HERC2: variants seen among roughly 807,000 people sequenced by gnomAD.
HERC2 encodes the protein E3 ubiquitin-protein ligase HERC2.
A neutral mutation model predicts 537.7 loss-of-function variants in HERC2; 102 were observed. The observed-to-expected ratio is 0.19, with a 90% confidence interval of 0.16 to 0.22. The LOEUF (loss-of-function observed/expected upper bound fraction) is 0.22. HERC2 is among the 10% of genes least tolerant of loss of function. The pLI, the probability that HERC2 is intolerant of heterozygous loss-of-function variation, is 1.00. For missense variants in HERC2, 4,236 were observed against 6,198.2 expected, an observed-to-expected ratio of 0.68 and a Z score of 10.63; for synonymous variants, 2,224 against 2,466.2, an observed-to-expected ratio of 0.90 and a Z score of 2.91.
At chr15:28,266,240 G>T (rs1370372751) in intron 12 of HERC2, among the ~76,000 whole-genome samples, 1 of 152,112 alleles carries the variant, frequency 6.6e-6, no homozygotes, top group African/African-American at 2.4e-5. Context: ...AATAGGCTAG[G>T]CGCGGTGGCT....
At position 28,176,638 on chromosome 15, in the gene HERC2, C is replaced by T; in HGVS notation, c.9515-39G>A. 1 of 1,613,994 alleles carries T rather than the reference C, an allele frequency of 6.2e-7. No homozygotes were observed. The highest frequency in any genetic ancestry group is 1.3e-5 in the African/African-American group (1 of 75,046). ...ACACATATACTTCAGGCCAGCGTTT[C>T]ATATCATTCCTACCCACCCAGAAGC... is the stretch of plus-strand genomic sequence containing the variant. On this transcript the variant is annotated intron_variant, in intron 62 of 92. Transcript: ENST00000261609. This position sits in a 1 kb window ranked among gnomAD's most constrained non-coding sequence, Gnocchi z 5.0.
At chr15:28,197,670 T>A (rs942036520) in intron 50 of HERC2, among the ~76,000 whole-genome samples, 11 of 152,256 alleles carry the variant, frequency 7.2e-5, no homozygotes, top group Middle Eastern at 3.4e-3. Context: ...GAGAATTCCT[T>A]AAACCTGGGG....
chr15:28,122,367 G>C lies in HERC2; in HGVS notation c.13189-938C>G, dbSNP rs934551893. Among the ~76,000 whole-genome samples, 2 of 152,238 alleles carry C rather than the reference G, an allele frequency of 1.3e-5. No homozygotes were observed. Among genetic ancestry groups the C allele is most frequent in the East Asian group, 3.9e-4 (2 of 5,194 alleles). The stretch of plus-strand genomic sequence containing the variant: ...AGGCAATCGTGCCTTCTTTCGGTTA[G>C]GGGTGGGCTGTGGGAGCACAAGGGT... On this transcript the variant is annotated intron_variant, in intron 85 of 92. Coordinates refer to ENST00000261609, the MANE Select transcript of HERC2 (RefSeq NM_004667.6). This position sits in a 1 kb window ranked among gnomAD's most constrained non-coding sequence, Gnocchi z 4.1.
chr15:28,293,862 T>A (rs149777328), intron 3 of HERC2, among the ~76,000 whole-genome samples: 3,098 of 152,298 alleles, frequency 0.02, 108 homozygotes, highest in African/African-American at 0.071. Context: ...AATGTCAAGT[T>A]TCAGTCAAAA....
chr15:28,282,416 C>T (rs1245635918), intron 4 of HERC2, among the ~76,000 whole-genome samples: 1 of 151,956 alleles, frequency 6.6e-6, no homozygotes, highest in Admixed American at 6.6e-5. Context: ...AAGGCTTCAA[C>T]AAGCAATTAC....
rs145160340 is a variant in HERC2, at chr15:28,216,964, C to T, written c.6029-1162G>A. 4.3e-3 allele frequency among the ~76,000 whole-genome samples: 656 copies of T among 152,266 alleles called. 3 individuals carry two copies. The highest frequency in any genetic ancestry group is 0.015 in the African/African-American group (615 of 41,550). ...TTCTCACTTTGCACTCACACCTATA[C>T]TGTTATAACCTCCCATTCACTGACA... On this transcript the variant is annotated intron_variant, in intron 38 of 92. Coordinates refer to ENST00000261609, the MANE Select transcript of HERC2 (RefSeq NM_004667.6).
intron 86 of HERC2, chr15:28,117,778 G>T (rs1447762874): frequency 5.6e-6 from 2 of 355,058 alleles, no homozygotes; most frequent in African/African-American, 4.3e-5. Context: ...CTCATCCTAA[G>T]CTACAATTGC....
intron 69 of HERC2, among the ~76,000 whole-genome samples, chr15:28,162,187 A>G (rs910802360): frequency 6.6e-6 from 1 of 152,084 alleles, no homozygotes; most frequent in Non-Finnish European, 1.5e-5. Flanking sequence ...AAAATTAGCC[A>G]GGCATCGTGG....
Position 28,246,049 on chromosome 15 carries a change from G to C in HERC2, c.3409C>G (p.Leu1137Val). Residue 1137 changes from leucine to valine, a missense_variant, in exon 23 of 93, where the codon CTA becomes GTA. Coordinates refer to ENST00000261609, the MANE Select transcript of HERC2 (RefSeq NM_004667.6). ...GDFTGVLLPE[L>V]VVSIVLLLSK... ...AGCAGAAGCACTATAGAAACTACTA[G>C]TTCTGGAAGGAGAACACCTACATTT... 5 of 1,602,840 alleles carry C rather than the reference G, an allele frequency of 3.1e-6. No individual in the cohort carries two copies. Among genetic ancestry groups the C allele is most frequent in the Non-Finnish European group, 4.3e-6 (5 of 1,173,312 alleles).
At chr15:28,236,920 A>G (rs1422645685) in intron 26 of HERC2, 43 bp downstream of exon 26, 12 of 1,601,636 alleles carry the variant, frequency 7.5e-6, no homozygotes, top group Admixed American at 3.3e-5. Context: ...TACAGTTCAA[A>G]AAAAATAATC....
At chr15:28,317,531 T>C (rs1269450084) in intron 2 of HERC2, among the ~76,000 whole-genome samples, 2 of 152,206 alleles carry the variant, frequency 1.3e-5, no homozygotes, top group African/African-American at 4.8e-5. Context: ...TTGACGGACC[T>C]GAGGGCATTA....
At chr15:28,195,726 A>C (rs565756743) in intron 52 of HERC2, among the ~76,000 whole-genome samples, 8 of 152,058 alleles carry the variant, frequency 5.3e-5, no homozygotes, top group Admixed American at 1.3e-4. Context: ...TTCTGATCGG[A>C]GTGGTGAAAA....
intron 26 of HERC2, 37 bp downstream of exon 26, chr15:28,236,926 T>C (rs4035913): frequency 1.2e-6 from 2 of 1,602,870 alleles, no homozygotes; most frequent in African/African-American, 1.3e-5. Context: ...TCAAAAAAAA[T>C]AATCTGCTGA....
chr15:28,292,287 T>C (rs143228339), intron 4 of HERC2, among the ~76,000 whole-genome samples: 2 of 145,982 alleles, frequency 1.4e-5, no homozygotes, highest in African/African-American at 2.5e-5. Context: ...ATTTCTCCAG[T>C]GAATGTATAC....
intron 2 of HERC2, among the ~76,000 whole-genome samples, chr15:28,309,285 T>TTAAG (rs1287140459): frequency 1.3e-5 from 2 of 152,118 alleles, no homozygotes; most frequent in Admixed American, 6.5e-5. Context: ...TATTAATGTG[T>TTAAG]TAAGGCCTAT....
In HERC2 at chr15:28,230,115, A is replaced by G. The variant is rs181132967; in HGVS notation, c.4809+252T>C. Among the ~76,000 whole-genome samples the G allele has an allele frequency of 5.1e-4, 77 of 152,346 alleles. No homozygotes were observed. The East Asian group carries it at 0.01, about 20-fold the overall frequency. ...CACAGGGCCCAGCACTGTTTCTGGA[A>G]CAAAGAATATATTTAAGGAATGAAT... is the stretch of plus-strand genomic sequence containing the variant. On this transcript the variant is annotated intron_variant, in intron 31 of 92. Transcript: ENST00000261609.
chr15:28,177,034 G>C lies in HERC2; in HGVS notation c.9348C>G (p.Ser3116=). ...GGCCCCAGGTGTACAGTTCTCCGCTGGATGTGAGGGCTGCGCTGTGCGAGC... is the reference window on the plus strand; with the variant it reads ...GGCCCCAGGTGTACAGTTCTCCGCTCGATGTGAGGGCTGCGCTGTGCGAGC... ...CGSSHSAALT[S]SGELYTWGLG... The change falls in exon 61 of 93, where the codon TCC becomes TCG. Residue 3116 remains serine, a synonymous_variant. Transcript: ENST00000261609. The surrounding 1 kb of genome is among the most constrained non-coding windows in gnomAD (Gnocchi z 5.0). The C allele has an allele frequency of 6.2e-7, 1 of 1,614,164 alleles. No homozygotes were observed. The highest frequency in any genetic ancestry group is 1.1e-5 in the South Asian group (1 of 91,082).
intron 15 of HERC2, among the ~76,000 whole-genome samples, chr15:28,262,314 G>T (rs2075436357): frequency 6.6e-6 from 1 of 152,156 alleles, no homozygotes; most frequent in Non-Finnish European, 1.5e-5. Flanking sequence ...GAACACCACA[G>T]AAGAATCTCA....
chr15:28,150,693 A>G (rs1005181140), intron 70 of HERC2, among the ~76,000 whole-genome samples: 2 of 151,780 alleles, frequency 1.3e-5, no homozygotes, highest in African/African-American at 4.8e-5. Flanking sequence ...CATTCTAGTG[A>G]AATTACAGAA....
Sources: allele counts gnomAD v4.1 joint callset (sites outside exome capture counted in the v4.1 genomes callset), GRCh38; gene constraint gnomAD v4.1.1; non-coding constraint Gnocchi (gnomAD v3.1); transcripts MANE v1.5; gene names NCBI Gene and HGNC (gene_info 2026-07-23, HGNC 2026-07-21).